Variants in NBEAL2 observed in about 807,000 individuals in gnomAD.
The protein encoded by NBEAL2 is neurobeachin like 2.
NBEAL2 carries 160 observed loss-of-function variants against 299.8 expected under a neutral mutation model. That is an observed-to-expected ratio of 0.53 (90% confidence interval 0.47 to 0.61). The LOEUF (loss-of-function observed/expected upper bound fraction) is 0.61, where lower values mean the gene tolerates loss of function less well. Ranked by LOEUF, NBEAL2 falls within the 20% of genes least tolerant of loss-of-function variation. NBEAL2 has a pLI of 0.00. For missense variants in NBEAL2, 3,112 were observed against 3,649.0 expected (o/e 0.85, Z 3.79); for synonymous variants, 1,493 against 1,542.3 (o/e 0.97, Z 0.75).
At chr3:46,992,749 C>G (rs773380270) in intron 10 of NBEAL2, among the ~76,000 whole-genome samples, 194 bp downstream of exon 10, 2 of 152,164 alleles carry the variant, frequency 1.3e-5, no homozygotes, top group Middle Eastern at 3.2e-3. Context: ...GTGGTCTATC[C>G]CCTGCCTGGT....
intron 10 of NBEAL2, 75 bp from the exon 11 acceptor site, chr3:46,993,862 C>CT: frequency 7.2e-7 from 1 of 1,389,820 alleles, no homozygotes; most frequent in Non-Finnish European, 1.0e-6. Flanking sequence ...GGCTCTGCAC[C>CT]TTTTTTACTG....
At position 46,997,674 on chromosome 3, in the gene NBEAL2, A is replaced by T. The variant is rs1413919074; in HGVS notation, c.2938A>T (p.Ile980Phe). The T allele has an allele frequency of 1.3e-6, 2 of 1,551,610 alleles. No homozygotes were observed. Among genetic ancestry groups the T allele is most frequent in the African/African-American group, 2.7e-5 (2 of 73,218 alleles). Residue 980 changes from isoleucine (I) to phenylalanine (F), a missense_variant, in exon 20 of 54, where the codon ATC becomes TTC. Around this residue, in one of 3 missense-constraint regions of NBEAL2, gnomAD observed 2,243 missense variants for 2,538.1 expected, o/e 0.88. Coordinates refer to ENST00000450053, the MANE Select transcript of NBEAL2 (RefSeq NM_015175.3). ...GGTGCAGTGCCAGGGGCCTGCCATCATCGGGGCCCTCCTGCGAAAGGTGGG... is the reference window on the plus strand; with the variant it reads ...GGTGCAGTGCCAGGGGCCTGCCATCTTCGGGGCCCTCCTGCGAAAGGTGGG... ...SLVQCQGPAI[I>F]GALLRKVPSW...
At position 47,008,427 on chromosome 3, in the gene NBEAL2, C is replaced by T. The variant is rs1259998992; in HGVS notation, c.7864C>T (p.Arg2622Cys). 8.1e-6 allele frequency: 13 copies of T among 1,612,138 alleles called. No individual in the cohort carries two copies. Among genetic ancestry groups the T allele is most frequent in the Non-Finnish European group, 1.1e-5 (13 of 1,178,414 alleles). ...QIVVQSSAWE[R>C]PGAQVTYSLH... ...TGTGGTACAGAGCTCAGCGTGGGAA[C>T]GTCCTGGGGCCCAGGTATGGGGAAG... Residue 2622 changes from arginine to cysteine, a missense_variant, in exon 51 of 54, where the codon CGT becomes TGT. Transcript: ENST00000450053.
rs1052625427 is a variant in NBEAL2, at chr3:46,982,202, G to A, written c.51+2290G>A. 6.6e-6 allele frequency among the ~76,000 whole-genome samples: 1 copy of A among 152,198 alleles called. No homozygotes were observed. The highest frequency in any genetic ancestry group is 2.1e-4 in the South Asian group (1 of 4,836). On this transcript the variant is annotated intron_variant, in intron 1 of 53. Transcript: ENST00000450053. The surrounding 1 kb of genome is among the most constrained non-coding windows in gnomAD (Gnocchi z 4.2). ...GTCCTGTTAGGGACCTATTGTGTGT[G>A]TGCTTGGGGAGGGGGAGTGCAAGGT...
At position 46,989,652 on chromosome 3, in the gene NBEAL2, C is replaced by T. The variant is rs1177958777; in HGVS notation, c.556+59C>T. On this transcript the variant is annotated intron_variant, in intron 6 of 53. Transcript: ENST00000450053. The surrounding 1 kb of genome is among the most constrained non-coding windows in gnomAD (Gnocchi z 5.5). Reference sequence around the variant, plus strand: ...CCCCCAAACCTAGGCCCCTTCCTGTCGTTCCTTGATCCTGCCATACACAGG... The same window carrying T: ...CCCCCAAACCTAGGCCCCTTCCTGTTGTTCCTTGATCCTGCCATACACAGG... 17 of 1,451,718 alleles carry T rather than the reference C, an allele frequency of 1.2e-5. No individual in the cohort carries two copies. Among genetic ancestry groups the T allele is most frequent in the East Asian group, 9.9e-5 (4 of 40,486 alleles). The allele number at this position is 1,451,718 out of a possible 1,614,324, so 89.9% of individuals were successfully genotyped here. A position where few individuals can be genotyped will look rare whatever the true frequency, so the allele number is the denominator to read the frequency against.
rs1384783313 is a variant in NBEAL2 at position 47,002,022 on chromosome 3, C to A, written c.4885C>A (p.Leu1629Met). Residue 1629 changes from leucine to methionine, a missense_variant, in exon 31 of 54, where the codon CTG becomes ATG. Leu to Met is a conservative substitution (Grantham distance 15). Transcript: ENST00000450053. ...TGTGCTCTCCAAGCTGGAGGCTGCA[C>A]TGGGGCGGGTGCTGAACACCTCTTC... The part of the protein sequence containing the change: ...CYVLSKLEAA[L>M]GRVLNTSSLE... The A allele has an allele frequency of 6.3e-7, 1 of 1,577,602 alleles. No individual in the cohort carries two copies. The highest frequency in any genetic ancestry group is 8.6e-7 in the Non-Finnish European group (1 of 1,162,180).
chr3:47,003,195 C>G lies in NBEAL2; in HGVS notation c.5606C>G (p.Thr1869Ser), dbSNP rs776770776. The G allele has an allele frequency of 4.3e-6, 7 of 1,610,524 alleles. No homozygotes were observed. Among genetic ancestry groups the G allele is most frequent in the East Asian group, 2.2e-5 (1 of 44,792 alleles). Residue 1869 changes from threonine to serine, a missense_variant, in exon 35 of 54, where the codon ACC (threonine) becomes AGC (serine). Physicochemically the swap from Thr to Ser is moderately conservative, Grantham distance 58. Coordinates refer to ENST00000450053, the MANE Select transcript of NBEAL2 (RefSeq NM_015175.3). This position sits in a 1 kb window ranked among gnomAD's most constrained non-coding sequence, Gnocchi z 7.0. ...GCAGGTGAGGTTCCCCTGACACCCA[C>G]CGAGGAGGCCTCACTGCCTCTGGCA... is the stretch of plus-strand genomic sequence containing the variant. Reference protein sequence around the residue: ...DNLGEVPLTPTEEASLPLAVT... With the variant: ...DNLGEVPLTPSEEASLPLAVT...
intron 19 of NBEAL2, 51 bp downstream of exon 19, chr3:46,997,484 G>A: frequency 1.3e-6 from 2 of 1,594,020 alleles, no homozygotes; most frequent in Non-Finnish European, 1.7e-6. Context: ...GGCATGGTAG[G>A]GGGGTGGAAT....
At chr3:46,990,449 T>C (rs1447607821) in intron 6 of NBEAL2, among the ~76,000 whole-genome samples, 1 of 152,208 alleles carries the variant, frequency 6.6e-6, no homozygotes. Context: ...GCTTCTGTCC[T>C]CTCATTCCCA....
rs1283925186 is a variant in NBEAL2, at chr3:47,003,632, CAGTGGGTGGCA to C, written c.5721-183_5721-173del. The stretch of plus-strand genomic sequence containing the variant: ...CATCCTGGCAAAATATTCAGAAGCC[CAGTGGGTGGCA>C]GGTGGGGGACAGGGGCTGGGACCAG... On this transcript the variant is annotated intron_variant, in intron 35 of 53. Transcript: ENST00000450053. This position sits in a 1 kb window ranked among gnomAD's most constrained non-coding sequence, Gnocchi z 7.0. 6.6e-6 allele frequency among the ~76,000 whole-genome samples: 1 copy of C among 152,034 alleles called. No individual in the cohort carries two copies. The highest frequency in any genetic ancestry group is 1.5e-5 in the Non-Finnish European group (1 of 68,002).
chr3:46,991,576 A>G lies in NBEAL2; in HGVS notation c.813A>G (p.Pro271=). ...CCAGCCGCGCACCTCCTCGTGGCCC[A>G]GAGCTTCGTGCCCTGCTTGAGAGCT... ...LHASRAPPRG[P]ELRALLESYF... is the part of the protein sequence containing the mutation. The change falls in exon 8 of 54, where the codon CCA becomes CCG. Residue 271 remains proline, a synonymous_variant. Transcript: ENST00000450053. The surrounding 1 kb of genome is among the most constrained non-coding windows in gnomAD (Gnocchi z 6.2). 3 of 1,602,804 alleles carry G rather than the reference A, an allele frequency of 1.9e-6. No individual in the cohort carries two copies. Among genetic ancestry groups the G allele is most frequent in the Middle Eastern group, 1.7e-4 (1 of 6,058 alleles).
chr3:46,993,049 G>A (rs2036222266), intron 10 of NBEAL2, among the ~76,000 whole-genome samples: 1 of 152,210 alleles, frequency 6.6e-6, no homozygotes, highest in Admixed American at 6.5e-5. Context: ...TTCACAGCGG[G>A]CACCCTTTCT....
chr3:46,996,235 T>G, intron 15 of NBEAL2, 36 bp from the exon 16 acceptor site: 1 of 1,599,736 alleles, frequency 6.3e-7, no homozygotes, highest in South Asian at 1.1e-5. Context: ...CAGGTTCTGC[T>G]GTGACCTGAC....
Position 47,009,380 on chromosome 3 carries a change from C to A in NBEAL2, c.*60C>A. On this transcript the variant is annotated 3_prime_UTR_variant, in exon 54 of 54. Coordinates refer to ENST00000450053, the MANE Select transcript of NBEAL2 (RefSeq NM_015175.3). Reference sequence around the variant, plus strand: ...GGCAGGCCTGGCCCGGGAGGCCCCGCCCAGAAGTCGGCGGGAACACCCCGG... The same window carrying A: ...GGCAGGCCTGGCCCGGGAGGCCCCGACCAGAAGTCGGCGGGAACACCCCGG... 6.7e-7 allele frequency: 1 copy of A among 1,496,916 alleles called. No individual in the cohort carries two copies. Among genetic ancestry groups the A allele is most frequent in the Non-Finnish European group, 9.0e-7 (1 of 1,105,076 alleles). 92.7% of individuals were successfully genotyped at this position (1,496,916 alleles called of 1,614,324 possible). A position where few individuals can be genotyped will look rare whatever the true frequency, so the allele number is the denominator to read the frequency against.
rs1374096631 is a variant in NBEAL2, at chr3:47,008,615, C to G, written c.7974C>G (p.Asp2658Glu). Residue 2658 changes from aspartate to glutamate, a missense_variant, in exon 52 of 54, where the codon GAC becomes GAG. Coordinates refer to ENST00000450053, the MANE Select transcript of NBEAL2 (RefSeq NM_015175.3). ...EQPTALTVTE[D>E]FVLLGTAQCA... ...CTACAGCCCTGACGGTGACAGAGGA[C>G]TTTGTGTTGCTGGGCACCGCCCAGT... The G allele has an allele frequency of 6.2e-7, 1 of 1,613,578 alleles. No individual in the cohort carries two copies. The highest frequency in any genetic ancestry group is 1.1e-5 in the South Asian group (1 of 91,084).
Position 46,991,801 on chromosome 3 carries a change from A to T in NBEAL2, c.926-39A>T. ...GGAAGGAAGGCTTAAGGCTGCCTAG[A>T]GGGGTCTGGGCAGGGCCTGACCCTT... On this transcript the variant is annotated intron_variant, in intron 8 of 53. Coordinates refer to ENST00000450053, the MANE Select transcript of NBEAL2 (RefSeq NM_015175.3). This position sits in a 1 kb window ranked among gnomAD's most constrained non-coding sequence, Gnocchi z 6.2. 6.4e-7 allele frequency: 1 copy of T among 1,568,960 alleles called. No individual in the cohort carries two copies. Among genetic ancestry groups the T allele is most frequent in the Non-Finnish European group, 8.6e-7 (1 of 1,156,822 alleles).
chr3:46,997,379 C>T lies in NBEAL2; in HGVS notation c.2770C>T (p.Leu924=). Residue 924 remains leucine, a synonymous_variant, in exon 19 of 54, where the codon CTG becomes TTG. Coordinates refer to ENST00000450053, the MANE Select transcript of NBEAL2 (RefSeq NM_015175.3). ...AETHDLVGPE[L]TSGHNTQGLV... ...AACGCATGACCTCGTGGGTCCTGAACTGACCTCTGGTCACAACACCCAGGG... is the reference window on the plus strand; with the variant it reads ...AACGCATGACCTCGTGGGTCCTGAATTGACCTCTGGTCACAACACCCAGGG... 6.2e-7 allele frequency: 1 copy of T among 1,611,792 alleles called. No individual in the cohort carries two copies. The highest frequency in any genetic ancestry group is 1.3e-5 in the African/African-American group (1 of 75,024).
rs752773664 is a variant in NBEAL2 at position 46,997,016 on chromosome 3, G to A, written c.2619G>A (p.Thr873=). Reference sequence around the variant, plus strand: ...GTCATGGGCTTGATGGGCGCCTGACGGGCCACAGAGTGGAGACCTGGGATG... The same window carrying A: ...GTCATGGGCTTGATGGGCGCCTGACAGGCCACAGAGTGGAGACCTGGGATG... ...SPSHGLDGRL[T]GHRVETWDVK... is the part of the protein sequence containing the mutation. The change falls in exon 18 of 54, where the codon ACG becomes ACA. Residue 873 remains threonine (T), a synonymous_variant. Transcript: ENST00000450053. 19 of 1,613,332 alleles carry A rather than the reference G, an allele frequency of 1.2e-5. No homozygotes were observed. The highest frequency in any genetic ancestry group is 7.7e-5 in the South Asian group (7 of 91,076).
At position 47,003,280 on chromosome 3, in the gene NBEAL2, C is replaced by A. The variant is rs770451069; in HGVS notation, c.5691C>A (p.Gly1897=). Residue 1897 remains glycine (G), a synonymous_variant, in exon 35 of 54, where the codon GGC becomes GGA. Coordinates refer to ENST00000450053, the MANE Select transcript of NBEAL2 (RefSeq NM_015175.3). This position sits in a 1 kb window ranked among gnomAD's most constrained non-coding sequence, Gnocchi z 7.0. ...PPELLQEDQL[G]EDELAELETP... ...AGTTGCTGCAGGAGGACCAGCTCGG[C>A]GAGGACGAGCTGGCTGAGCTGGAGA... is the stretch of plus-strand genomic sequence containing the variant. The A allele has an allele frequency of 6.2e-7, 1 of 1,612,900 alleles. No individual in the cohort carries two copies. The highest frequency in any genetic ancestry group is 8.5e-7 in the Non-Finnish European group (1 of 1,179,802).
Sources: allele counts gnomAD v4.1 joint callset (sites outside exome capture counted in the v4.1 genomes callset), GRCh38; gene constraint gnomAD v4.1.1; regional missense constraint gnomAD v4.1.1; non-coding constraint Gnocchi (gnomAD v3.1); transcripts MANE v1.5; gene names NCBI Gene and HGNC (gene_info 2026-07-23, HGNC 2026-07-21).